Variants in TSHR observed in about 807,000 individuals in gnomAD.
The protein encoded by TSHR is thyroid stimulating hormone receptor, also known as thyrotropin receptor.
In TSHR, 51 loss-of-function variants were observed where a neutral mutation model predicts 64.1. The observed-to-expected ratio is 0.80, with a 90% CI of 0.64 to 1.01. The LOEUF (loss-of-function observed/expected upper bound fraction) is 1.01, where lower values mean the gene tolerates loss of function less well. Among genes scored for constraint, TSHR ranks in the 50% least tolerant of loss-of-function variants. The pLI, the probability that TSHR is intolerant of heterozygous loss-of-function variation, is 0.00. For synonymous variants in TSHR, 361 were observed against 361.9 expected, an observed-to-expected ratio of 1.00 and a Z score of 0.03; for missense variants, 877 against 942.8, an observed-to-expected ratio of 0.93 and a Z score of 0.91.
chr14:81,050,616 A>G (rs1885382256), intron 1 of TSHR: 1 of 152,242 alleles, frequency 6.6e-6, no homozygotes, highest in South Asian at 2.1e-4. Context: ...TTACATCTTC[A>G]TAGCAACTCC....
At chr14:80,987,784 A>C (rs981654635) in intron 1 of TSHR, among the ~76,000 whole-genome samples, 5 of 152,066 alleles carry the variant, frequency 3.3e-5, no homozygotes, top group Non-Finnish European at 7.4e-5. Flanking sequence ...TTTCAGACTG[A>C]CTTCTGCTGC....
Position 81,121,296 on chromosome 14 carries a change from C to T in TSHR, c.692+12844C>T, listed in dbSNP as rs756798286. ...ATGTGGCCTGTGCAGGTGGGAGAAT[C>T]GGAATGCCCTCAGCCTTCTCAATGG... is the stretch of plus-strand genomic sequence containing the variant. On this transcript the variant is annotated intron_variant, in intron 8 of 9. Transcript: ENST00000298171. Among the ~76,000 whole-genome samples, 11 of 152,180 alleles carry T rather than the reference C, an allele frequency of 7.2e-5. No individual in the cohort carries two copies. In the East Asian group the frequency reaches 1.9e-3, roughly 27 times the overall value.
intron 8 of TSHR, 39 bp downstream of exon 8, chr14:81,108,491 T>A: frequency 1.3e-6 from 2 of 1,591,852 alleles, no homozygotes. Flanking sequence ...AGTCTTTTTT[T>A]TTCTTTTTTT....
intron 1 of TSHR, chr14:80,994,790 T>C (rs1395249302): frequency 6.6e-6 from 1 of 152,202 alleles, no homozygotes; most frequent in Non-Finnish European, 1.5e-5. Context: ...GAAGACAACC[T>C]AGCCAGTACC....
rs1271164968 is a variant in TSHR at position 81,144,420 on chromosome 14, C to T, written c.*67C>T. On this transcript the variant is annotated 3_prime_UTR_variant, in exon 10 of 10. Coordinates refer to ENST00000298171, the MANE Select transcript of TSHR (RefSeq NM_000369.5). Reference sequence around the variant, plus strand: ...ATAATAGTTTCTTGAATATGCATTCCAATCCCATGACACCCCCAACACATA... The same window carrying T: ...ATAATAGTTTCTTGAATATGCATTCTAATCCCATGACACCCCCAACACATA... The T allele has an allele frequency of 3.3e-6, 5 of 1,518,300 alleles. No individual in the cohort carries two copies. Among genetic ancestry groups the T allele is most frequent in the Non-Finnish European group, 3.6e-6 (4 of 1,100,992 alleles). The allele number at this position is 1,518,300 out of a possible 1,614,324, so 94.1% of individuals were successfully genotyped here. A position where few individuals can be genotyped will look rare whatever the true frequency, so the allele number is the denominator to read the frequency against.
Position 81,145,453 on chromosome 14 carries a change from A to G in TSHR, c.*1100A>G, listed in dbSNP as rs1891891708. On this transcript the variant is annotated 3_prime_UTR_variant, in exon 10 of 10. Transcript: ENST00000298171. ...GAGCCAAAAATTCAATTAAGTAAAC[A>G]TACTCGCCTGGATCTGAATCATTCA... 4.3e-6 allele frequency: 1 copy of G among 233,072 alleles called. No homozygotes were observed. Among genetic ancestry groups the G allele is most frequent in the Non-Finnish European group, 8.5e-6 (1 of 118,044 alleles). 14.4% of individuals were successfully genotyped at this position (233,072 alleles called of 1,614,324 possible).
At chr14:81,135,215 G>GA (rs1006497311) in intron 8 of TSHR, among the ~76,000 whole-genome samples, 23 of 152,248 alleles carry the variant, frequency 1.5e-4, no homozygotes, top group Non-Finnish European at 2.1e-4. Flanking sequence ...CTCTAGGAGA[G>GA]AAAATCAAGA....
At chr14:81,034,521 C>T (rs1057116360) in intron 1 of TSHR, among the ~76,000 whole-genome samples, 4 of 152,188 alleles carry the variant, frequency 2.6e-5, no homozygotes, top group Admixed American at 1.3e-4. Context: ...TGTGAATCTG[C>T]CATTTGTGAA....
At chr14:80,960,655 A>C (rs931466890) in intron 1 of TSHR, among the ~76,000 whole-genome samples, 2 of 152,250 alleles carry the variant, frequency 1.3e-5, no homozygotes, top group African/African-American at 4.8e-5. Context: ...ATATATATTT[A>C]GACAGATATA....
intron 3 of TSHR, among the ~76,000 whole-genome samples, chr14:81,071,613 T>C (rs61978751): frequency 6.6e-6 from 1 of 151,952 alleles, no homozygotes; most frequent in African/African-American, 2.4e-5. Flanking sequence ...AAAAAAAAAT[T>C]AGCTGAGCAT....
At chr14:81,009,119 C>T (rs998806634) in intron 1 of TSHR, among the ~76,000 whole-genome samples, 27 of 152,156 alleles carry the variant, frequency 1.8e-4, no homozygotes, top group African/African-American at 6.3e-4. Flanking sequence ...ATAACTTCAG[C>T]TAAAAATAGC....
At chr14:81,058,895 C>T (rs1886020825) in intron 1 of TSHR, among the ~76,000 whole-genome samples, 1 of 152,136 alleles carries the variant, frequency 6.6e-6, no homozygotes, top group Admixed American at 6.6e-5. Flanking sequence ...AAAAGGCCTT[C>T]TCTTGAAAAG....
intron 7 of TSHR, among the ~76,000 whole-genome samples, chr14:81,097,263 G>GT (rs1394094619): frequency 6.6e-6 from 1 of 151,024 alleles, no homozygotes; most frequent in Non-Finnish European, 1.5e-5. Context: ...TCTATTTGTT[G>GT]TTTTTTTCAA....
intron 1 of TSHR, among the ~76,000 whole-genome samples, chr14:81,017,750 T>C (rs1883493888): frequency 6.6e-6 from 1 of 151,650 alleles, no homozygotes; most frequent in Non-Finnish European, 1.5e-5. Context: ...AAAATAGCCA[T>C]GACTCAGGCC....
chr14:80,969,021 G>A (rs966596748), intron 1 of TSHR, among the ~76,000 whole-genome samples: 3 of 152,172 alleles, frequency 2.0e-5, no homozygotes, highest in African/African-American at 4.8e-5. Context: ...GGTTACTAGG[G>A]TGATGGTGAG....
At chr14:81,054,953 A>G (rs1243845015) in intron 1 of TSHR, among the ~76,000 whole-genome samples, 3 of 152,312 alleles carry the variant, frequency 2.0e-5, no homozygotes, top group Non-Finnish European at 4.4e-5. Context: ...GCTGAATGTT[A>G]ATCCCCAAGA....
At chr14:81,062,257 G>C in intron 2 of TSHR, 38 bp downstream of exon 2, 2 of 1,488,740 alleles carry the variant, frequency 1.3e-6, no homozygotes, top group Non-Finnish European at 1.9e-6. Context: ...TTGCATTTGT[G>C]ATATGTTATT....
At chr14:80,994,398 C>T (rs1166211688) in intron 1 of TSHR, 4 of 151,712 alleles carry the variant, frequency 2.6e-5, no homozygotes, top group African/African-American at 4.8e-5. Flanking sequence ...TTATATGAAA[C>T]CATAGAAGAG....
intron 8 of TSHR, among the ~76,000 whole-genome samples, chr14:81,114,312 G>C (rs1342066295): frequency 6.6e-6 from 1 of 152,160 alleles, no homozygotes; most frequent in Non-Finnish European, 1.5e-5. Flanking sequence ...GCACAGGTCA[G>C]TGGGTGCGTG....
Sources: allele counts gnomAD v4.1 joint callset (sites outside exome capture counted in the v4.1 genomes callset), GRCh38; gene constraint gnomAD v4.1.1; transcripts MANE v1.5; gene names NCBI Gene and HGNC (gene_info 2026-07-23, HGNC 2026-07-21).